Variants in DLEU7 observed in about 807,000 individuals in gnomAD.
DLEU7 encodes the protein deleted in lymphocytic leukemia 7.
In DLEU7, 17 loss-of-function variants were observed where a neutral mutation model predicts 16.0. That is an observed-to-expected ratio of 1.06 (90% CI 0.73 to 1.59). The LOEUF (loss-of-function observed/expected upper bound fraction) is 1.59, where lower values mean the gene tolerates loss of function less well. Ranked by LOEUF, DLEU7 falls within the 40% of genes most tolerant of loss-of-function variation. The probability of loss-of-function intolerance (pLI) is 0.00; values close to 1 mark genes in which losing one functional copy is unlikely to be tolerated. For synonymous variants in DLEU7, 113 were observed against 139.8 expected, an observed-to-expected ratio of 0.81 and a Z score of 1.35; for missense variants, 308 against 314.9, an observed-to-expected ratio of 0.98 and a Z score of 0.17.
chr13:50,823,299 C>A lies in DLEU7; in HGVS notation c.*15G>T. The A allele has an allele frequency of 6.5e-7, 1 of 1,534,416 alleles. No homozygotes were observed. Among genetic ancestry groups the A allele is most frequent in the Non-Finnish European group, 8.7e-7 (1 of 1,145,526 alleles). On this transcript the variant is annotated 3_prime_UTR_variant, in exon 2 of 2. Transcript: ENST00000504404. ...ACAGTGCTGGCTGTGGTTTTACTCC[C>A]GATGCCTTTAACACTCATATGTCTG...
At chr13:50,803,381 T>A (rs1437132392) in intron 1 of DLEU7, among the ~76,000 whole-genome samples, 1 of 152,202 alleles carries the variant, frequency 6.6e-6, no homozygotes, top group Non-Finnish European at 1.5e-5. Context: ...TGCCCTTTTT[T>A]ATTAGGTTGT....
At chr13:50,765,612 A>T (rs1014004554) in intron 1 of DLEU7, among the ~76,000 whole-genome samples, 2 of 152,226 alleles carry the variant, frequency 1.3e-5, no homozygotes, top group Non-Finnish European at 2.9e-5. Flanking sequence ...ATAAACAGAT[A>T]GAAAGGAAGA....
chr13:50,735,888 T>C (rs1874056484), intron 1 of DLEU7, among the ~76,000 whole-genome samples: 1 of 152,138 alleles, frequency 6.6e-6, no homozygotes, highest in Admixed American at 6.6e-5. Context: ...GAAAAAGGAA[T>C]GCTTCTACAC....
intron 1 of DLEU7, among the ~76,000 whole-genome samples, chr13:50,737,254 T>G (rs1874099105): frequency 1.3e-5 from 2 of 152,156 alleles, no homozygotes; most frequent in African/African-American, 2.4e-5. Flanking sequence ...ATTGAAATAG[T>G]CAAAATATAA....
chr13:50,812,690 G>A (rs1876605364), intron 1 of DLEU7, among the ~76,000 whole-genome samples: 1 of 152,084 alleles, frequency 6.6e-6, no homozygotes, highest in Non-Finnish European at 1.5e-5. Flanking sequence ...GGTGTTACTT[G>A]TTGATATATG....
chr13:50,721,772 C>T (rs906485835), intron 1 of DLEU7, among the ~76,000 whole-genome samples: 11 of 152,098 alleles, frequency 7.2e-5, no homozygotes, highest in African/African-American at 2.4e-4. Flanking sequence ...AAAGTCTAGG[C>T]ATGGGAAGTA....
At chr13:50,717,272 G>A (rs963211195) in intron 1 of DLEU7, among the ~76,000 whole-genome samples, 1 of 152,200 alleles carries the variant, frequency 6.6e-6, no homozygotes, top group African/African-American at 2.4e-5. Context: ...CTGGATATTA[G>A]AAAGTTTATT....
intron 1 of DLEU7, among the ~76,000 whole-genome samples, chr13:50,800,850 C>T (rs1391385236): frequency 3.3e-5 from 5 of 152,100 alleles, no homozygotes; most frequent in Non-Finnish European, 5.9e-5. Flanking sequence ...TTTTCTGTCT[C>T]CTTATGTTTT....
chr13:50,745,707 A>G (rs1390173695), intron 1 of DLEU7, among the ~76,000 whole-genome samples: 1 of 152,194 alleles, frequency 6.6e-6, no homozygotes, highest in Non-Finnish European at 1.5e-5. Context: ...GAGTGACAGC[A>G]CTGAAAGGAA....
intron 1 of DLEU7, among the ~76,000 whole-genome samples, chr13:50,827,334 G>T (rs2137805659): frequency 6.6e-6 from 1 of 152,244 alleles, no homozygotes; most frequent in East Asian, 1.9e-4. Context: ...ATTATTAAAA[G>T]TAGAGAAATA....
chr13:50,801,347 T>G (rs1876241240), intron 1 of DLEU7, among the ~76,000 whole-genome samples: 1 of 152,142 alleles, frequency 6.6e-6, no homozygotes, highest in African/African-American at 2.4e-5. Context: ...TCAGATGTTT[T>G]CAGCTATTCC....
At chr13:50,789,067 C>T (rs1875873074) in intron 1 of DLEU7, among the ~76,000 whole-genome samples, 1 of 151,994 alleles carries the variant, frequency 6.6e-6, no homozygotes, top group Non-Finnish European at 1.5e-5. Context: ...CCAAACAGAG[C>T]CTCGTCACAA....
chr13:50,754,850 A>G (rs1874704310), intron 1 of DLEU7, among the ~76,000 whole-genome samples: 1 of 152,074 alleles, frequency 6.6e-6, no homozygotes, highest in African/African-American at 2.4e-5. Flanking sequence ...CAAGATTTAG[A>G]GCTCCTTTTA....
At chr13:50,765,030 G>A (rs1593548726) in intron 1 of DLEU7, among the ~76,000 whole-genome samples, 1 of 152,000 alleles carries the variant, frequency 6.6e-6, no homozygotes, top group Admixed American at 6.6e-5. Flanking sequence ...TTACAGGCAC[G>A]CACCATCATG....
Position 50,843,222 on chromosome 13 carries a change from A to G in DLEU7, c.425T>C (p.Leu142Pro). The change falls in exon 1 of 2, where the codon CTC becomes CCC. Residue 142 changes from leucine (L) to proline (P), a missense_variant. By Grantham distance (98) the Leu-to-Pro change is moderately conservative. Transcript: ENST00000504404. The surrounding 1 kb of genome is among the most constrained non-coding windows in gnomAD (Gnocchi z 5.7). ...AATGGGAAAGGACCGCTCCTGCTGG[A>G]GGGGCCCCAGCAGCGTCTGCTCCAC... Reference protein sequence around the residue: ...VSVEQTLLGPLQQERSFPIHL... With the variant: ...VSVEQTLLGPPQQERSFPIHL... The G allele has an allele frequency of 6.3e-7, 1 of 1,593,654 alleles. No homozygotes were observed. Among genetic ancestry groups the G allele is most frequent in the Non-Finnish European group, 8.5e-7 (1 of 1,170,870 alleles).
chr13:50,744,622 TG>T (rs1332257563), intron 1 of DLEU7, among the ~76,000 whole-genome samples: 3 of 152,130 alleles, frequency 2.0e-5, no homozygotes, highest in African/African-American at 7.2e-5. Context: ...AAAGGCAGAG[TG>T]AAGAGGCAAT....
chr13:50,760,144 A>G (rs1403800209), intron 1 of DLEU7, among the ~76,000 whole-genome samples: 1 of 152,234 alleles, frequency 6.6e-6, no homozygotes, highest in South Asian at 2.1e-4. Flanking sequence ...TAAAAATGCA[A>G]TTCATATTTA....
intron 1 of DLEU7, among the ~76,000 whole-genome samples, chr13:50,733,609 C>G (rs572437657): frequency 6.6e-6 from 1 of 152,048 alleles, no homozygotes; most frequent in East Asian, 1.9e-4. Flanking sequence ...CCCTACCTGC[C>G]CACACCCACA....
intron 1 of DLEU7, among the ~76,000 whole-genome samples, chr13:50,738,510 C>T (rs1026827517): frequency 6.6e-6 from 1 of 152,000 alleles, no homozygotes; most frequent in African/African-American, 2.4e-5. Flanking sequence ...CAGGGTAGGC[C>T]CTCCTACTGC....
Sources: gnomAD v4.1 joint callset for allele counts (sites outside exome capture counted in the v4.1 genomes callset) on GRCh38, gnomAD v4.1.1 for gene constraint, Gnocchi (gnomAD v3.1) non-coding constraint, MANE v1.5 for transcripts, NCBI Gene and HGNC (gene_info 2026-07-23, HGNC 2026-07-21) for gene names.